Variants in ADGRL3 observed in about 807,000 individuals in gnomAD.
ADGRL3 encodes the protein adhesion G protein-coupled receptor L3, also known as calcium-independent alpha-latrotoxin receptor 3.
ADGRL3 carries 62 observed loss-of-function variants against 153.5 expected under a neutral mutation model. The observed-to-expected ratio is 0.40, with a 90% CI of 0.33 to 0.50. The LOEUF (loss-of-function observed/expected upper bound fraction) is 0.50. ADGRL3 is among the 20% of genes least tolerant of loss of function. The pLI is 0.47. For missense variants in ADGRL3, 1,641 were observed against 1,859.4 expected (o/e 0.88, Z 2.16); for synonymous variants, 710 against 672.5 (o/e 1.06, Z -0.86).
chr4:62,060,028 CCT>C (rs932031321), intron 25 of ADGRL3, among the ~76,000 whole-genome samples: 6 of 151,906 alleles, frequency 3.9e-5, no homozygotes, highest in African/African-American at 1.4e-4. Flanking sequence ...ATATGAAACT[CCT>C]CTTTTTTTGA....
intron 15 of ADGRL3, among the ~76,000 whole-genome samples, chr4:61,941,317 C>T (rs2098892280): frequency 8.1e-6 from 1 of 123,706 alleles, no homozygotes. Flanking sequence ...CAGTACCATG[C>T]TGTTTTGGTT....
intron 9 of ADGRL3, among the ~76,000 whole-genome samples, chr4:61,822,243 T>C (rs1208300443): frequency 2.0e-5 from 3 of 152,202 alleles, no homozygotes; most frequent in Non-Finnish European, 4.4e-5. Flanking sequence ...TTTATTGTTA[T>C]TTAGAGTACA....
intron 5 of ADGRL3, among the ~76,000 whole-genome samples, chr4:61,659,996 G>A (rs1025510022): frequency 5.9e-5 from 9 of 151,862 alleles, no homozygotes; most frequent in African/African-American, 1.7e-4. Context: ...TTGGATATTG[G>A]GGGGACAGAG....
intron 4 of ADGRL3, among the ~76,000 whole-genome samples, chr4:61,568,634 C>T (rs2098826054): frequency 6.6e-6 from 1 of 152,050 alleles, no homozygotes; most frequent in Non-Finnish European, 1.5e-5. Flanking sequence ...CTATGTTAGT[C>T]CTGCTATAAT....
At chr4:62,043,106 A>G (rs1251513301) in intron 24 of ADGRL3, among the ~76,000 whole-genome samples, 1 of 152,014 alleles carries the variant, frequency 6.6e-6, no homozygotes. Context: ...CCTACCATTG[A>G]CAGTCATTTT....
At chr4:61,654,279 A>G (rs2094371078) in intron 5 of ADGRL3, among the ~76,000 whole-genome samples, 2 of 152,080 alleles carry the variant, frequency 1.3e-5, no homozygotes, top group African/African-American at 4.8e-5. Context: ...TTTTTTATTT[A>G]AAAATTTTTG....
intron 9 of ADGRL3, among the ~76,000 whole-genome samples, chr4:61,881,278 C>T (rs921728546): frequency 2.6e-5 from 4 of 152,150 alleles, no homozygotes; most frequent in Non-Finnish European, 2.9e-5. Context: ...TCAAAGTTAC[C>T]AGAATTGCAT....
intron 1 of ADGRL3, among the ~76,000 whole-genome samples, chr4:61,357,250 ATGT>A (rs576318016): frequency 3.3e-5 from 5 of 152,126 alleles, no homozygotes; most frequent in Non-Finnish European, 5.9e-5. Flanking sequence ...TTCACATATG[ATGT>A]TAATTAAAAT....
At chr4:61,680,023 C>T (rs1190756118) in intron 6 of ADGRL3, among the ~76,000 whole-genome samples, 1 of 151,736 alleles carries the variant, frequency 6.6e-6, no homozygotes, top group East Asian at 1.9e-4. Flanking sequence ...TTTATTTTCC[C>T]AAACCTTTAT....
chr4:61,418,357 C>T (rs1170401850), intron 2 of ADGRL3, among the ~76,000 whole-genome samples: 2 of 152,220 alleles, frequency 1.3e-5, no homozygotes, highest in Admixed American at 6.5e-5. Context: ...CTAGTGGTCT[C>T]TGCCATAGCA....
At chr4:61,350,669 T>G (rs2096025924) in intron 1 of ADGRL3, among the ~76,000 whole-genome samples, 1 of 152,120 alleles carries the variant, frequency 6.6e-6, no homozygotes, top group African/African-American at 2.4e-5. Context: ...TTAAAATTAT[T>G]ATATCTATTA....
chr4:61,378,510 G>T (rs17219773), intron 1 of ADGRL3, among the ~76,000 whole-genome samples: 17,146 of 151,832 alleles, frequency 0.11, 1,138 homozygotes, highest in South Asian at 0.15. Context: ...TAATTTTTTC[G>T]GAGGATGAGA....
intron 21 of ADGRL3, among the ~76,000 whole-genome samples, chr4:62,023,009 C>T (rs1251960364): frequency 7.2e-6 from 1 of 138,988 alleles, no homozygotes; most frequent in Non-Finnish European, 1.6e-5. Context: ...GATAGTGGTT[C>T]CTCTGATGGA....
At chr4:61,831,881 G>T (rs1336774572) in intron 9 of ADGRL3, among the ~76,000 whole-genome samples, 1 of 151,990 alleles carries the variant, frequency 6.6e-6, no homozygotes, top group South Asian at 2.1e-4. Flanking sequence ...TAACCAGAAT[G>T]AAGGGGTAGC....
chr4:61,739,617 T>C (rs999768530), intron 8 of ADGRL3, among the ~76,000 whole-genome samples: 1 of 152,216 alleles, frequency 6.6e-6, no homozygotes, highest in African/African-American at 2.4e-5. Flanking sequence ...AATAGGAGTA[T>C]AATTTCTAAA....
chr4:61,438,378 A>T (rs1456816823), intron 2 of ADGRL3, among the ~76,000 whole-genome samples: 1 of 150,474 alleles, frequency 6.6e-6, no homozygotes, highest in Non-Finnish European at 1.5e-5. Context: ...TAATATTATT[A>T]TACTTTAAAT....
At chr4:62,013,012 G>C (rs1315146069) in intron 21 of ADGRL3, among the ~76,000 whole-genome samples, 1 of 152,168 alleles carries the variant, frequency 6.6e-6, no homozygotes, top group Admixed American at 6.5e-5. Context: ...GCAGCAGCTG[G>C]GGATGAGTTT....
In ADGRL3 at chr4:61,838,212, G is replaced by C. The variant is rs534769240; in HGVS notation, c.1480+24323G>C. Among the ~76,000 whole-genome samples the C allele has an allele frequency of 4.6e-5, 7 of 152,166 alleles. No individual in the cohort carries two copies. In the South Asian group the frequency reaches 1.5e-3, roughly 32 times the overall value. ...ATCATAAGAGGAGAGAGAAAGAAAT[G>C]TCTATAAACCACTTTGACCATTTCA... On this transcript the variant is annotated intron_variant, in intron 9 of 26. Transcript: ENST00000683033.
At chr4:61,305,412 A>T (rs546417127) in intron 1 of ADGRL3, among the ~76,000 whole-genome samples, 35 of 152,240 alleles carry the variant, frequency 2.3e-4, no homozygotes, top group African/African-American at 7.7e-4. Context: ...TGTAGTACAT[A>T]TGGTGTTGTG....
Sources: gnomAD v4.1 joint callset for allele counts (sites outside exome capture counted in the v4.1 genomes callset) on GRCh38, gnomAD v4.1.1 for gene constraint, MANE v1.5 for transcripts, NCBI Gene and HGNC (gene_info 2026-07-23, HGNC 2026-07-21) for gene names.